CPXM2: variants seen among roughly 807,000 people sequenced by gnomAD.
CPXM2 encodes carboxypeptidase X, M14 family member 2, also known as inactive carboxypeptidase-like protein X2.
CPXM2 carries 66 observed loss-of-function variants against 86.1 expected under a neutral mutation model. The ratio of observed to expected loss-of-function variants is 0.77; its 90% CI spans 0.63 to 0.94. The LOEUF (loss-of-function observed/expected upper bound fraction) is 0.94. CPXM2 is among the 40% of genes least tolerant of loss of function. The probability of loss-of-function intolerance (pLI) is 0.00; values close to 1 mark genes in which losing one functional copy is unlikely to be tolerated. For synonymous variants in CPXM2, 388 were observed against 400.2 expected (o/e 0.97, Z 0.36); for missense variants, 948 against 1,026.3 (o/e 0.92, Z 1.04).
intron 2 of CPXM2, among the ~76,000 whole-genome samples, chr10:123,924,590 C>T (rs745534595): frequency 3.9e-5 from 6 of 152,222 alleles, no homozygotes; most frequent in Non-Finnish European, 8.8e-5. Context: ...GGGACGTGTT[C>T]ACCAACCCAG....
rs115714544 is a variant in CPXM2 at position 123,855,856 on chromosome 10, G to A, written c.513+6758C>T. On this transcript the variant is annotated intron_variant, in intron 3 of 13. Transcript: ENST00000241305. ...AGGAGAGGACTCATGATTCCTTCCA[G>A]CAGTGCTGGGGAAATGGCTCTGACA... Among the ~76,000 whole-genome samples the A allele has an allele frequency of 1.0e-2, 1,516 of 152,214 alleles. 28 individuals carry two copies. The highest frequency in any genetic ancestry group is 0.035 in the African/African-American group (1,454 of 41,510).
At chr10:123,937,506 C>T (rs1945734234) in intron 2 of CPXM2, among the ~76,000 whole-genome samples, 1 of 149,064 alleles carries the variant, frequency 6.7e-6, no homozygotes, top group East Asian at 2.0e-4. Flanking sequence ...CACACACACA[C>T]ACACACACAC....
In CPXM2 at chr10:123,865,488, C is replaced by T. The variant is rs942572596; in HGVS notation, c.404-2765G>A. On this transcript the variant is annotated intron_variant, in intron 2 of 13. Coordinates refer to ENST00000241305, the MANE Select transcript of CPXM2 (RefSeq NM_198148.3). The surrounding 1 kb of genome is among the most constrained non-coding windows in gnomAD (Gnocchi z 4.7). Reference sequence around the variant, plus strand: ...AGAAGGACAGAGGCGGGACACAGGACACGTGCAGGTGGAAAGGCACAGAGC... The same window carrying T: ...AGAAGGACAGAGGCGGGACACAGGATACGTGCAGGTGGAAAGGCACAGAGC... Among the ~76,000 whole-genome samples, 1 of 152,146 alleles carries T rather than the reference C, an allele frequency of 6.6e-6. No individual in the cohort carries two copies. Among genetic ancestry groups the T allele is most frequent in the South Asian group, 2.1e-4 (1 of 4,828 alleles).
intron 2 of CPXM2, among the ~76,000 whole-genome samples, chr10:123,936,239 G>A (rs565243851): frequency 6.6e-6 from 1 of 152,304 alleles, no homozygotes; most frequent in Admixed American, 6.5e-5. Context: ...AAGGCTCAGA[G>A]ACTGTAAACC....
chr10:123,897,298 T>C (rs558366362), intron 2 of CPXM2, among the ~76,000 whole-genome samples: 1 of 152,306 alleles, frequency 6.6e-6, no homozygotes, highest in East Asian at 1.9e-4. Flanking sequence ...TGCCTCTGTT[T>C]CCTGCTGGGT....
At chr10:123,912,832 C>G (rs950320166) in intron 2 of CPXM2, among the ~76,000 whole-genome samples, 5 of 152,250 alleles carry the variant, frequency 3.3e-5, no homozygotes, top group Admixed American at 1.3e-4. Context: ...GTCTCTGAAG[C>G]CACACAACAG....
At chr10:123,841,089 G>A (rs1054846371) in intron 4 of CPXM2, among the ~76,000 whole-genome samples, 28 of 152,198 alleles carry the variant, frequency 1.8e-4, no homozygotes, top group African/African-American at 1.4e-4. Flanking sequence ...ATGTTCACGC[G>A]TGGGGCATTT....
chr10:123,769,967 G>GT (rs1377530796), intron 8 of CPXM2, among the ~76,000 whole-genome samples: 1 of 152,162 alleles, frequency 6.6e-6, no homozygotes, highest in Non-Finnish European at 1.5e-5. Flanking sequence ...AGCAGATAAA[G>GT]TTTTTACCAT....
intron 2 of CPXM2, among the ~76,000 whole-genome samples, chr10:123,904,080 A>G (rs75039535): frequency 0.079 from 12,047 of 152,324 alleles, 615 homozygotes; most frequent in East Asian, 0.21. Context: ...TAAAACCAGT[A>G]TACCATTTTT....
chr10:123,937,389 T>TG (rs78261856), intron 2 of CPXM2, among the ~76,000 whole-genome samples: 1 of 123,782 alleles, frequency 8.1e-6, no homozygotes, highest in East Asian at 2.6e-4. Flanking sequence ...CTCTGCAACC[T>TG]CAGGACCCCC....
intron 6 of CPXM2, among the ~76,000 whole-genome samples, chr10:123,784,575 G>C (rs1285540769): frequency 6.6e-6 from 1 of 152,172 alleles, no homozygotes; most frequent in African/African-American, 2.4e-5. Context: ...TTACTCCTCA[G>C]ACATGGTCAT....
At chr10:123,906,663 G>A (rs933041393) in intron 2 of CPXM2, among the ~76,000 whole-genome samples, 1 of 152,022 alleles carries the variant, frequency 6.6e-6, no homozygotes, top group Non-Finnish European at 1.5e-5. Flanking sequence ...ACTTCATTTC[G>A]CCTCATGTGC....
At chr10:123,748,465 C>G (rs761113449) in intron 13 of CPXM2, among the ~76,000 whole-genome samples, 1 of 152,170 alleles carries the variant, frequency 6.6e-6, no homozygotes, top group Non-Finnish European at 1.5e-5. Flanking sequence ...ACATTCTAAT[C>G]TCAATTCATC....
At chr10:123,855,771 G>C (rs17096168) in intron 3 of CPXM2, among the ~76,000 whole-genome samples, 17,740 of 152,106 alleles carry the variant, frequency 0.12, 1,273 homozygotes, top group East Asian at 0.33. Flanking sequence ...GAGAACACTG[G>C]AACTAGATTC....
At chr10:123,749,983 T>TG (rs1223034518) in intron 13 of CPXM2, 17 of 351,942 alleles carry the variant, frequency 4.8e-5, no homozygotes, top group African/African-American at 3.0e-4. Flanking sequence ...TTTTTGTTTT[T>TG]TTTTTTTTTT....
chr10:123,817,407 T>A (rs1170808145), intron 4 of CPXM2, among the ~76,000 whole-genome samples: 1 of 152,176 alleles, frequency 6.6e-6, no homozygotes, highest in African/African-American at 2.4e-5. Context: ...CCTGCCATCT[T>A]CTGCAAATAA....
intron 7 of CPXM2, 112 bp from the exon 8 acceptor site, chr10:123,771,151 C>T (rs563775718): frequency 1.4e-5 from 13 of 955,420 alleles, no homozygotes; most frequent in Non-Finnish European, 1.9e-5. Context: ...TCCCAAGCGC[C>T]CCCACATTCT....
At chr10:123,844,727 C>T (rs1848462675) in intron 3 of CPXM2, among the ~76,000 whole-genome samples, 1 of 152,118 alleles carries the variant, frequency 6.6e-6, no homozygotes, top group African/African-American at 2.4e-5. Flanking sequence ...TATATGAAGA[C>T]AGAATCAGAT....
chr10:123,923,123 TC>T (rs1298696816), intron 2 of CPXM2, among the ~76,000 whole-genome samples: 1 of 152,064 alleles, frequency 6.6e-6, no homozygotes, highest in Non-Finnish European at 1.5e-5. Flanking sequence ...AGAAGACAGA[TC>T]AAGAACCTGG....
Sources: gnomAD v4.1 joint callset for allele counts (sites outside exome capture counted in the v4.1 genomes callset) on GRCh38, gnomAD v4.1.1 for gene constraint, Gnocchi (gnomAD v3.1) non-coding constraint, MANE v1.5 for transcripts, NCBI Gene and HGNC (gene_info 2026-07-23, HGNC 2026-07-21) for gene names.